Variants in VPS13C observed in about 807,000 individuals in gnomAD.
VPS13C encodes vacuolar protein sorting 13 homolog C.
Under a neutral mutation model 456.8 loss-of-function variants are expected in VPS13C, and 358 were observed. The ratio of observed to expected loss-of-function variants is 0.78; its 90% confidence interval spans 0.72 to 0.86. The LOEUF is 0.86. Among genes scored for constraint, VPS13C ranks in the 40% least tolerant of loss-of-function variants. VPS13C has a pLI of 0.00. For missense variants in VPS13C, 4,818 were observed against 4,385.4 expected, an observed-to-expected ratio of 1.10 and a Z score of -2.79; for synonymous variants, 1,578 against 1,486.7, an observed-to-expected ratio of 1.06 and a Z score of -1.41.
At chr15:61,902,933 A>T (rs1356162265) in intron 66 of VPS13C, among the ~76,000 whole-genome samples, 1 of 151,880 alleles carries the variant, frequency 6.6e-6, no homozygotes, top group Non-Finnish European at 1.5e-5. Context: ...AACATATTAC[A>T]TTTAGAAAAA....
intron 20 of VPS13C, among the ~76,000 whole-genome samples, chr15:61,983,493 T>C (rs563929471): frequency 6.6e-6 from 1 of 152,130 alleles, no homozygotes; most frequent in South Asian, 2.1e-4. Context: ...AGAGAAAATA[T>C]ACAAAAAAGA....
chr15:62,008,612 G>C, intron 14 of VPS13C, 43 bp downstream of exon 14: 1 of 1,392,468 alleles, frequency 7.2e-7, no homozygotes, highest in Non-Finnish European at 9.9e-7. Context: ...CTAAATATAT[G>C]ATTATATGTT....
chr15:62,035,048 T>C lies in VPS13C; in HGVS notation c.192A>G (p.Lys64=), dbSNP rs150324870. 3.0e-4 allele frequency: 474 copies of C among 1,601,654 alleles called. No homozygotes were observed. Among genetic ancestry groups the C allele is most frequent in the Non-Finnish European group, 3.8e-4 (445 of 1,171,856 alleles). ...PFKVKAGQID[K]LTLKIPWKNL... is the part of the protein sequence containing the mutation. ...TCTTCCAAGGAATCTTCAAAGTTAATTTATCTAAGGAAACATAATTTCAAC... is the reference window on the plus strand; with the variant it reads ...TCTTCCAAGGAATCTTCAAAGTTAACTTATCTAAGGAAACATAATTTCAAC... Residue 64 remains lysine, a synonymous_variant, in exon 4 of 85, where the codon AAA becomes AAG. Transcript: ENST00000644861.
chr15:61,868,551 A>G, intron 81 of VPS13C, 108 bp downstream of exon 81: 4 of 850,406 alleles, frequency 4.7e-6, no homozygotes, highest in Non-Finnish European at 7.6e-6. Flanking sequence ...TATGTATAAT[A>G]CTTAAAGCAG....
intron 14 of VPS13C, among the ~76,000 whole-genome samples, chr15:62,008,006 C>A (rs1365194016): frequency 6.6e-6 from 1 of 151,820 alleles, no homozygotes; most frequent in African/African-American, 2.4e-5. Context: ...TTTGGGAGGC[C>A]GAGGAGAGTA....
intron 9 of VPS13C, among the ~76,000 whole-genome samples, chr15:62,019,463 T>C (rs1214091252): frequency 2.0e-5 from 3 of 152,172 alleles, no homozygotes; most frequent in Admixed American, 6.6e-5. Context: ...GCTTTTAATG[T>C]GTCCCAGAGA....
intron 73 of VPS13C, among the ~76,000 whole-genome samples, chr15:61,879,045 T>C (rs1895669550): frequency 6.6e-6 from 1 of 152,094 alleles, no homozygotes; most frequent in African/African-American, 2.4e-5. Context: ...GGCGTAATCA[T>C]TTTAAGAAGA....
intron 66 of VPS13C, among the ~76,000 whole-genome samples, chr15:61,902,741 T>A (rs987411514): frequency 5.9e-5 from 9 of 152,062 alleles, no homozygotes; most frequent in African/African-American, 2.2e-4. Flanking sequence ...GCTAACATCA[T>A]ACCGAAGAAG....
chr15:61,893,021 T>G (rs2042697765), intron 66 of VPS13C, among the ~76,000 whole-genome samples: 1 of 152,122 alleles, frequency 6.6e-6, no homozygotes, highest in Non-Finnish European at 1.5e-5. Flanking sequence ...TAAGAGTCAC[T>G]GGTGGTCAAG....
At chr15:62,019,930 G>C (rs2047395896) in intron 9 of VPS13C, among the ~76,000 whole-genome samples, 1 of 150,146 alleles carries the variant, frequency 6.7e-6, no homozygotes, top group Non-Finnish European at 1.5e-5. Flanking sequence ...GCCTGTAATA[G>C]AAATAAAAAT....
intron 60 of VPS13C, 130 bp downstream of exon 60, chr15:61,917,211 A>T: frequency 1.0e-6 from 1 of 967,410 alleles, no homozygotes; most frequent in Non-Finnish European, 1.5e-6. Context: ...TGCTATCATT[A>T]ACATTATGAA....
intron 81 of VPS13C, chr15:61,865,492 C>A: frequency 1.0e-6 from 1 of 981,662 alleles, no homozygotes; most frequent in Middle Eastern, 5.3e-4. Context: ...GTATGTGAAC[C>A]AAAATGAGTA....
At chr15:61,885,574 G>C (rs767788595) in intron 67 of VPS13C, among the ~76,000 whole-genome samples, 83 of 152,124 alleles carry the variant, frequency 5.5e-4, no homozygotes, top group Non-Finnish European at 1.0e-3. Flanking sequence ...TGATAGTTAA[G>C]TCCACATGAA....
chr15:61,873,959 TACACAC>T (rs67985179), intron 77 of VPS13C, among the ~76,000 whole-genome samples: 6 of 149,732 alleles, frequency 4.0e-5, no homozygotes, highest in African/African-American at 1.5e-4. Context: ...GAAAATGTGA[TACACAC>T]ACACACACAC....
chr15:61,954,985 T>C (rs891098421), intron 37 of VPS13C, among the ~76,000 whole-genome samples: 11 of 152,036 alleles, frequency 7.2e-5, no homozygotes, highest in African/African-American at 2.4e-4. Flanking sequence ...TTTGATATGG[T>C]TGAATCATAA....
chr15:61,963,003 T>G, intron 32 of VPS13C, 151 bp from the exon 33 acceptor site: 1 of 514,920 alleles, frequency 1.9e-6, no homozygotes, highest in South Asian at 3.9e-5. Context: ...ATTAGAGTTT[T>G]TTGGTTTTAT....
chr15:61,964,812 G>A lies in VPS13C; in HGVS notation c.3101C>T (p.Ala1034Val), dbSNP rs750380244. Reference sequence around the variant, plus strand: ...AATGGTTGTGAGGTAATTAATAGAAGCGACAAGAGCTTGTGTTTGCAGCAA... The same window carrying A: ...AATGGTTGTGAGGTAATTAATAGAAACGACAAGAGCTTGTGTTTGCAGCAA... ...NLLLQTQALV[A>V]SINYLTTIIP... Residue 1034 changes from alanine to valine, a missense_variant, in exon 31 of 85, where the codon GCT becomes GTT. By Grantham distance (64) the Ala-to-Val change is moderately conservative. Transcript: ENST00000644861. 4 of 1,611,930 alleles carry A rather than the reference G, an allele frequency of 2.5e-6. No homozygotes were observed. The Admixed American group carries it at 6.7e-5, about 27-fold the overall frequency.
At chr15:61,915,343 G>A (rs2043435817) in intron 61 of VPS13C, among the ~76,000 whole-genome samples, 1 of 152,116 alleles carries the variant, frequency 6.6e-6, no homozygotes, top group Non-Finnish European at 1.5e-5. Context: ...TTCATCACTG[G>A]TAAAGTACAT....
At position 61,922,605 on chromosome 15, in the gene VPS13C, G is replaced by A. The variant is rs200174382; in HGVS notation, c.6767C>T (p.Thr2256Met). Residue 2256 changes from threonine to methionine, a missense_variant, in exon 54 of 85, where the codon ACG becomes ATG. Thr to Met is a moderately conservative substitution (Grantham distance 81). This residue lies in a region of VPS13C where 4,552 missense variants were observed against 4,130.6 expected (regional missense o/e 1.10). Transcript: ENST00000644861. ...DYNTWFLGVD[T>M]ATEITESFKG... ...GAAGCTTTCCGTTATTTCTGTTGCCGTGTCAACACCAAGAAACCAAGTGTT... is the reference window on the plus strand; with the variant it reads ...GAAGCTTTCCGTTATTTCTGTTGCCATGTCAACACCAAGAAACCAAGTGTT... 60 of 1,613,758 alleles carry A rather than the reference G, an allele frequency of 3.7e-5. No individual in the cohort carries two copies. The highest frequency in any genetic ancestry group is 5.0e-5 in the Admixed American group (3 of 59,974).
Sources: allele counts gnomAD v4.1 joint callset (sites outside exome capture counted in the v4.1 genomes callset), GRCh38; gene constraint gnomAD v4.1.1; regional missense constraint gnomAD v4.1.1; transcripts MANE v1.5; gene names NCBI Gene and HGNC (gene_info 2026-07-23, HGNC 2026-07-21).